The following CACNA2D1 variants were observed in gnomAD, a reference collection of about 807,000 sequenced individuals.
CACNA2D1 encodes voltage-dependent calcium channel subunit alpha-2/delta-1.
CACNA2D1 carries 53 observed loss-of-function variants against 171.5 expected under a neutral mutation model. The ratio of observed to expected loss-of-function variants is 0.31; its 90% CI spans 0.25 to 0.39. The LOEUF (loss-of-function observed/expected upper bound fraction) is 0.39, where lower values mean the gene tolerates loss of function less well. CACNA2D1 is among the 10% of genes least tolerant of loss of function. CACNA2D1 has a pLI of 1.00. For missense variants in CACNA2D1, 903 were observed against 1,299.8 expected (o/e 0.69, Z 4.69); for synonymous variants, 442 against 443.1 (o/e 1.00, Z 0.03).
intron 18 of CACNA2D1, among the ~76,000 whole-genome samples, chr7:82,001,930 A>G (rs1049008628): frequency 6.6e-6 from 1 of 150,922 alleles, no homozygotes; most frequent in African/African-American, 2.4e-5. Context: ...TTTAAGAAAA[A>G]TGACTATTAT....
chr7:82,260,703 G>T (rs1477340840), intron 3 of CACNA2D1, among the ~76,000 whole-genome samples: 4 of 152,086 alleles, frequency 2.6e-5, no homozygotes, highest in African/African-American at 4.8e-5. Context: ...CTTGCCCAAG[G>T]TTGCTCAGTT....
intron 4 of CACNA2D1, among the ~76,000 whole-genome samples, chr7:82,158,387 G>A (rs183649125): frequency 4.7e-4 from 72 of 151,902 alleles, no homozygotes; most frequent in African/African-American, 1.7e-3. Context: ...TATTGGCAAT[G>A]TGTATGTGAA....
intron 3 of CACNA2D1, among the ~76,000 whole-genome samples, chr7:82,210,450 A>C (rs1800439203): frequency 1.3e-5 from 2 of 152,190 alleles, no homozygotes; most frequent in South Asian, 2.1e-4. Flanking sequence ...ATGCCAGAGA[A>C]CTATAACCAG....
At chr7:82,165,121 A>G (rs1357389495) in intron 4 of CACNA2D1, among the ~76,000 whole-genome samples, 1 of 151,996 alleles carries the variant, frequency 6.6e-6, no homozygotes, top group Non-Finnish European at 1.5e-5. Flanking sequence ...ATCCCAGGAT[A>G]TTGAAGCAGC....
chr7:81,959,971 ATTTT>A lies in CACNA2D1; in HGVS notation c.2967-146_2967-143del. On this transcript the variant is annotated intron_variant, in intron 36 of 38. Transcript: ENST00000356860. Reference sequence around the variant, plus strand: ...CCATTCCCAGCACAATAGGAGTATGATTTTAGAAGAAAAAAATGCTTCATTTATT... The same window carrying A: ...CCATTCCCAGCACAATAGGAGTATGAAGAAGAAAAAAATGCTTCATTTATT... 5.3e-6 allele frequency: 7 copies of A among 1,309,874 alleles called. No homozygotes were observed. The Admixed American group carries it at 7.5e-5, about 14-fold the overall frequency. The allele number at this position is 1,309,874 out of a possible 1,614,324, so 81.1% of individuals were successfully genotyped here. A position where few individuals can be genotyped will look rare whatever the true frequency, so the allele number is the denominator to read the frequency against.
At chr7:82,342,105 A>T (rs1382307810) in intron 2 of CACNA2D1, among the ~76,000 whole-genome samples, 1 of 148,016 alleles carries the variant, frequency 6.8e-6, no homozygotes, top group African/African-American at 2.5e-5. Flanking sequence ...CTGCATCTTC[A>T]CTCTAAGTAA....
chr7:82,051,849 G>C (rs1032729211), intron 10 of CACNA2D1, among the ~76,000 whole-genome samples: 2 of 152,110 alleles, frequency 1.3e-5, no homozygotes, highest in Admixed American at 6.5e-5. Flanking sequence ...TCCTATCAAA[G>C]CATATAACTG....
chr7:82,316,084 T>C (rs1815086699), intron 3 of CACNA2D1, among the ~76,000 whole-genome samples: 1 of 152,120 alleles, frequency 6.6e-6, no homozygotes, highest in Non-Finnish European at 1.5e-5. Flanking sequence ...AATGATAAGT[T>C]TGCTTATGTT....
intron 2 of CACNA2D1, among the ~76,000 whole-genome samples, chr7:82,340,335 T>G (rs1483494313): frequency 6.7e-6 from 1 of 149,488 alleles, no homozygotes; most frequent in African/African-American, 2.5e-5. Context: ...GCTAAGTTTG[T>G]TTTTTGTTTT....
intron 6 of CACNA2D1, among the ~76,000 whole-genome samples, chr7:82,090,342 CTAATAAG>C (rs1397804273): frequency 6.6e-6 from 1 of 151,936 alleles, no homozygotes; most frequent in African/African-American, 2.4e-5. Flanking sequence ...TAAAATAACT[CTAATAAG>C]TCTTTAAGAG....
intron 3 of CACNA2D1, among the ~76,000 whole-genome samples, chr7:82,325,027 C>A (rs1317657684): frequency 6.6e-6 from 1 of 152,184 alleles, no homozygotes; most frequent in African/African-American, 2.4e-5. Context: ...CTTTCGCTGT[C>A]AGCAGAAAAC....
At chr7:82,434,550 G>T (rs923234379) in intron 1 of CACNA2D1, among the ~76,000 whole-genome samples, 1 of 152,112 alleles carries the variant, frequency 6.6e-6, no homozygotes, top group African/African-American at 2.4e-5. Context: ...AAAGGTCCCA[G>T]TGTGTGTTGA....
At chr7:82,096,469 T>C (rs1051573090) in intron 6 of CACNA2D1, among the ~76,000 whole-genome samples, 1 of 151,954 alleles carries the variant, frequency 6.6e-6, no homozygotes, top group African/African-American at 2.4e-5. Context: ...ATTGACTAGG[T>C]GGCTACCGTA....
chr7:82,198,770 C>A (rs75178334), intron 3 of CACNA2D1, among the ~76,000 whole-genome samples: 1 of 151,622 alleles, frequency 6.6e-6, no homozygotes, highest in East Asian at 1.9e-4. Context: ...TAATCCTCTA[C>A]TCTATTAATA....
At chr7:82,137,707 T>TGAAAAAAAAAAAAAAAA (rs1770795225) in intron 4 of CACNA2D1, among the ~76,000 whole-genome samples, 1 of 78,844 alleles carries the variant, frequency 1.3e-5, no homozygotes, top group Non-Finnish European at 2.4e-5. Context: ...CCGTCTCTAC[T>TGAAAAAAAAAAAAAAAA]AAAAAAAAAA....
chr7:82,150,541 T>A (rs1343804391), intron 4 of CACNA2D1, among the ~76,000 whole-genome samples: 1 of 152,054 alleles, frequency 6.6e-6, no homozygotes, highest in African/African-American at 2.4e-5. Flanking sequence ...AGTTAAGGTG[T>A]ATTCATTTAT....
At chr7:82,081,245 AT>A (rs1320233220) in intron 7 of CACNA2D1, among the ~76,000 whole-genome samples, 1 of 152,152 alleles carries the variant, frequency 6.6e-6, no homozygotes, top group African/African-American at 2.4e-5. Flanking sequence ...CTTCTATATT[AT>A]TTTGCTTCTA....
At chr7:82,307,050 T>C (rs547644436) in intron 3 of CACNA2D1, among the ~76,000 whole-genome samples, 4 of 152,318 alleles carry the variant, frequency 2.6e-5, no homozygotes, top group African/African-American at 7.2e-5. Flanking sequence ...TAGGGTTCTA[T>C]GCTCCCACAG....
At chr7:82,372,919 T>C (rs1469377200) in intron 1 of CACNA2D1, among the ~76,000 whole-genome samples, 1 of 152,200 alleles carries the variant, frequency 6.6e-6, no homozygotes, top group Non-Finnish European at 1.5e-5. Context: ...GTGTGGTGGC[T>C]CATGCCTATA....
Sources: gnomAD v4.1 joint callset for allele counts (sites outside exome capture counted in the v4.1 genomes callset) on GRCh38, gnomAD v4.1.1 for gene constraint, MANE v1.5 for transcripts, NCBI Gene and HGNC (gene_info 2026-07-23, HGNC 2026-07-21) for gene names.